The following PARP8 variants were observed in gnomAD, a reference collection of about 807,000 sequenced individuals.
The protein encoded by PARP8 is poly(ADP-ribose) polymerase family member 8.
PARP8 carries 51 observed loss-of-function variants against 124.1 expected under a neutral mutation model. The ratio of observed to expected loss-of-function variants is 0.41; its 90% CI spans 0.33 to 0.52. The LOEUF (loss-of-function observed/expected upper bound fraction) is 0.52. PARP8 is among the 20% of genes least tolerant of loss of function. PARP8 has a pLI of 0.21. For synonymous variants in PARP8, 391 were observed against 361.5 expected, an observed-to-expected ratio of 1.08 and a Z score of -0.93; for missense variants, 860 against 1,018.9, an observed-to-expected ratio of 0.84 and a Z score of 2.12.
chr5:50,770,632 G>A (rs762599219), intron 7 of PARP8, among the ~76,000 whole-genome samples: 23 of 150,372 alleles, frequency 1.5e-4, no homozygotes, highest in Non-Finnish European at 3.0e-4. Context: ...AAGGAGGGAG[G>A]GAGGGAGTAA....
chr5:50,776,413 T>C (rs1740025053), intron 7 of PARP8, among the ~76,000 whole-genome samples: 1 of 152,200 alleles, frequency 6.6e-6, no homozygotes, highest in Admixed American at 6.5e-5. Context: ...AAAACAGGTT[T>C]GGAAGAATTC....
At chr5:50,733,444 C>A (rs1757180240) in intron 2 of PARP8, among the ~76,000 whole-genome samples, 1 of 152,038 alleles carries the variant, frequency 6.6e-6, no homozygotes, top group African/African-American at 2.4e-5. Context: ...CTTAAAAAAT[C>A]TTTTTCACAT....
chr5:50,760,406 T>C lies in PARP8; in HGVS notation c.345+44T>C, dbSNP rs1452398589. The stretch of plus-strand genomic sequence containing the variant: ...TTATTTTCTTGAAACAGTATAGATA[T>C]ATTTAAAATTTACTGGGTTTTTGTA... On this transcript the variant is annotated intron_variant, in intron 5 of 25. Transcript: ENST00000281631. 14 of 1,320,648 alleles carry C rather than the reference T, an allele frequency of 1.1e-5. 1 individual carries two copies. The highest frequency in any genetic ancestry group is 5.0e-4 in the Middle Eastern group (2 of 3,998). The allele number at this position is 1,320,648 out of a possible 1,614,324, so 81.8% of individuals were successfully genotyped here.
intron 19 of PARP8, among the ~76,000 whole-genome samples, chr5:50,827,696 G>T (rs1746500928): frequency 6.6e-6 from 1 of 152,112 alleles, no homozygotes; most frequent in African/African-American, 2.4e-5. Context: ...AATGGCTTTG[G>T]ATTGTCTGTT....
chr5:50,803,570 T>C (rs940656307), intron 14 of PARP8, among the ~76,000 whole-genome samples: 1 of 152,156 alleles, frequency 6.6e-6, no homozygotes, highest in Non-Finnish European at 1.5e-5. Context: ...TGGACCTATC[T>C]TCAAGTTCAC....
intron 2 of PARP8, among the ~76,000 whole-genome samples, chr5:50,737,531 A>T (rs769843396): frequency 2.1e-4 from 32 of 152,296 alleles, no homozygotes; most frequent in Non-Finnish European, 4.1e-4. Context: ...AATATAGCTT[A>T]AAAAGAACTT....
intron 2 of PARP8, among the ~76,000 whole-genome samples, chr5:50,679,181 AC>A (rs1561234125): frequency 6.6e-6 from 1 of 152,208 alleles, no homozygotes; most frequent in Non-Finnish European, 1.5e-5. Context: ...GCAATAGTGT[AC>A]ACTGATCAAT....
chr5:50,831,964 ATCCTTTGC>A (rs1489905461), intron 22 of PARP8, among the ~76,000 whole-genome samples: 1 of 152,134 alleles, frequency 6.6e-6, no homozygotes, highest in African/African-American at 2.4e-5. Context: ...CTGCATATAT[ATCCTTTGC>A]TTTTTGTTCA....
intron 17 of PARP8, among the ~76,000 whole-genome samples, chr5:50,823,281 G>T (rs1745974761): frequency 6.6e-6 from 1 of 151,994 alleles, no homozygotes; most frequent in Non-Finnish European, 1.5e-5. Flanking sequence ...CTACTGCTCT[G>T]TAGGAAGACA....
In PARP8 at chr5:50,767,201, G is replaced by C. The variant is rs2404958; in HGVS notation, c.518+3959G>C. On this transcript the variant is annotated intron_variant, in intron 7 of 25. Coordinates refer to ENST00000281631, the MANE Select transcript of PARP8 (RefSeq NM_024615.4). ...TTAACAATAAGGTAGGAGTGAGATA[G>C]AAATCTTTTTTCGTTTTGAGCCACT... Among the ~76,000 whole-genome samples the C allele has an allele frequency of 9.9e-4, 151 of 151,948 alleles. 5 individuals are homozygous for C. The South Asian group carries it at 0.031, about 31-fold the overall frequency.
At chr5:50,793,622 G>A (rs1742203434) in intron 10 of PARP8, among the ~76,000 whole-genome samples, 1 of 152,194 alleles carries the variant, frequency 6.6e-6, no homozygotes, top group African/African-American at 2.4e-5. Context: ...TGAATAGGCT[G>A]TGTTGAAGAT....
At chr5:50,690,371 G>T (rs1162032914) in intron 2 of PARP8, among the ~76,000 whole-genome samples, 1 of 152,168 alleles carries the variant, frequency 6.6e-6, no homozygotes, top group Non-Finnish European at 1.5e-5. Context: ...GAGGAAGAGA[G>T]ATCCCTAGTG....
At position 50,836,439 on chromosome 5, in the gene PARP8, G is replaced by A. The variant is rs549235303; in HGVS notation, c.2462+1424G>A. 1.6e-3 allele frequency among the ~76,000 whole-genome samples: 246 copies of A among 152,258 alleles called. 1 individual carries two copies. Among genetic ancestry groups the A allele is most frequent in the African/African-American group, 5.7e-3 (237 of 41,558 alleles). On this transcript the variant is annotated intron_variant, in intron 25 of 25. Coordinates refer to ENST00000281631, the MANE Select transcript of PARP8 (RefSeq NM_024615.4). ...ACAAGGGTATGATTATAAGGAAACC[G>A]CAAGTCCAGTGTAGTAACCTGGATC...
chr5:50,759,625 T>TTTC lies in PARP8; in HGVS notation c.185-16_185-15insCTT. 1 of 1,362,860 alleles carries TTTC rather than the reference T, an allele frequency of 7.3e-7. No individual in the cohort carries two copies. Among genetic ancestry groups the TTTC allele is most frequent in the Non-Finnish European group, 9.6e-7 (1 of 1,037,934 alleles). The allele number at this position is 1,362,860 out of a possible 1,614,324, so 84.4% of individuals were successfully genotyped here. A position where few individuals can be genotyped will look rare whatever the true frequency, so the allele number is the denominator to read the frequency against. On this transcript the variant is annotated splice_polypyrimidine_tract_variant and intron_variant, in intron 3 of 25. Transcript: ENST00000281631. ...TTAAACTTATGCCTTTCATTATCTT[T>TTTC]TTTTTTTTTTTTTGCAGATAATACA...
chr5:50,693,109 T>C (rs530912291), intron 2 of PARP8, among the ~76,000 whole-genome samples: 9 of 152,340 alleles, frequency 5.9e-5, no homozygotes, highest in African/African-American at 1.9e-4. Context: ...AGCCAAGTTA[T>C]CAGTTGATAA....
At chr5:50,803,534 C>T (rs763875409) in intron 14 of PARP8, among the ~76,000 whole-genome samples, 5 of 151,836 alleles carry the variant, frequency 3.3e-5, no homozygotes, top group African/African-American at 7.3e-5. Context: ...ATTATTCTTC[C>T]TCTTCCTTAG....
chr5:50,748,244 G>A (rs1420175009), intron 2 of PARP8, among the ~76,000 whole-genome samples: 2 of 151,342 alleles, frequency 1.3e-5, no homozygotes, highest in Non-Finnish European at 2.9e-5. Flanking sequence ...TTTTCTGATA[G>A]TTATTATTTA....
At chr5:50,708,425 T>G (rs1316650706) in intron 2 of PARP8, among the ~76,000 whole-genome samples, 1 of 152,020 alleles carries the variant, frequency 6.6e-6, no homozygotes, top group Non-Finnish European at 1.5e-5. Flanking sequence ...TCATTTTTCT[T>G]TTTTTTAATC....
At chr5:50,716,613 A>G (rs1184832258) in intron 2 of PARP8, among the ~76,000 whole-genome samples, 2 of 152,216 alleles carry the variant, frequency 1.3e-5, no homozygotes, top group South Asian at 2.1e-4. Context: ...GACACCTAGC[A>G]TGAATGACTC....
Sources: gnomAD v4.1 joint callset for allele counts (sites outside exome capture counted in the v4.1 genomes callset) on GRCh38, gnomAD v4.1.1 for gene constraint, MANE v1.5 for transcripts, NCBI Gene and HGNC (gene_info 2026-07-23, HGNC 2026-07-21) for gene names.